FAM227B: variants seen among roughly 807,000 people sequenced by gnomAD.
FAM227B encodes the protein family with sequence similarity 227 member B.
FAM227B carries 88 observed loss-of-function variants against 73.8 expected under a neutral mutation model. The observed-to-expected ratio is 1.19, with a 90% CI of 1.00 to 1.42. The LOEUF is 1.42. Among genes scored for constraint, FAM227B ranks in the 40% most tolerant of loss-of-function variants. The probability of loss-of-function intolerance (pLI) is 0.00; values close to 1 mark genes in which losing one functional copy is unlikely to be tolerated. For synonymous variants in FAM227B, 210 were observed against 190.5 expected (o/e 1.10, Z -0.84); for missense variants, 632 against 590.9 (o/e 1.07, Z -0.72).
chr15:49,570,952 A>G (rs1221940558), intron 8 of FAM227B, among the ~76,000 whole-genome samples: 1 of 148,764 alleles, frequency 6.7e-6, no homozygotes, highest in Non-Finnish European at 1.5e-5. Flanking sequence ...ATAATTATAT[A>G]CCAAATCTTC....
rs559578587 is a variant in FAM227B, at chr15:49,391,400, A to G, written c.1013-20001T>C. 3.3e-5 allele frequency among the ~76,000 whole-genome samples: 5 copies of G among 152,222 alleles called. No homozygotes were observed. The East Asian group carries it at 7.7e-4, about 24-fold the overall frequency. ...CCTCGAGAAGTAAATCAGCAACTCAATAAGCAAGAAGGACAAGATGTTTGG... is the reference window on the plus strand; with the variant it reads ...CCTCGAGAAGTAAATCAGCAACTCAGTAAGCAAGAAGGACAAGATGTTTGG... On this transcript the variant is annotated intron_variant, in intron 11 of 15. Coordinates refer to ENST00000299338, the MANE Select transcript of FAM227B (RefSeq NM_152647.3).
At chr15:49,335,616 C>CAA (rs2151178945) in intron 13 of FAM227B, 120 bp from the exon 14 acceptor site, 1 of 609,134 alleles carries the variant, frequency 1.6e-6, no homozygotes, top group East Asian at 2.7e-5. Flanking sequence ...TGAAGAGTCT[C>CAA]AAGTATAAAC....
intron 9 of FAM227B, among the ~76,000 whole-genome samples, chr15:49,553,675 TG>T (rs1465940319): frequency 6.6e-6 from 1 of 152,188 alleles, no homozygotes; most frequent in Non-Finnish European, 1.5e-5. Context: ...CTGTAGCCAC[TG>T]TCACACCATG....
chr15:49,534,863 C>G (rs144203643), intron 10 of FAM227B, among the ~76,000 whole-genome samples: 2 of 151,088 alleles, frequency 1.3e-5, no homozygotes, highest in African/African-American at 4.8e-5. Context: ...AAGAAGAAAT[C>G]AAAAGGGAAG....
chr15:49,591,045 AT>A (rs748799826), intron 3 of FAM227B, among the ~76,000 whole-genome samples: 108 of 72,544 alleles, frequency 1.5e-3, no homozygotes, highest in Middle Eastern at 0.01. Flanking sequence ...TTTTTTTTTG[AT>A]TTTTTTTTTT....
chr15:49,598,739 G>C (rs879526322), intron 3 of FAM227B, among the ~76,000 whole-genome samples: 1 of 151,834 alleles, frequency 6.6e-6, no homozygotes, highest in South Asian at 2.1e-4. Context: ...TGCTAATGTG[G>C]TTTATCACAT....
At chr15:49,328,880 C>T in intron 15 of FAM227B, 3 of 1,320,374 alleles carry the variant, frequency 2.3e-6, no homozygotes, top group Non-Finnish European at 2.9e-6. Flanking sequence ...ATTCTTTTGG[C>T]CCTGAGCTAT....
intron 11 of FAM227B, among the ~76,000 whole-genome samples, chr15:49,477,622 T>C (rs547322296): frequency 6.6e-6 from 1 of 152,336 alleles, no homozygotes; most frequent in Admixed American, 6.5e-5. Flanking sequence ...ATGATACGAA[T>C]AAAGCTTCTA....
intron 14 of FAM227B, among the ~76,000 whole-genome samples, chr15:49,334,608 C>T (rs2039377589): frequency 1.3e-5 from 2 of 151,916 alleles, no homozygotes; most frequent in Admixed American, 1.3e-4. Flanking sequence ...TGTGTGTGGA[C>T]GTACACATGC....
chr15:49,525,709 T>A (rs1196731887), intron 10 of FAM227B, among the ~76,000 whole-genome samples: 3 of 80,202 alleles, frequency 3.7e-5, no homozygotes, highest in Admixed American at 1.3e-4. Context: ...TATATATATA[T>A]ATATATATAT....
chr15:49,366,341 A>C, intron 13 of FAM227B: 1 of 787,108 alleles, frequency 1.3e-6, no homozygotes, highest in Non-Finnish European at 2.4e-6. Context: ...ACTGTTATTG[A>C]CAACCAACAT....
chr15:49,439,604 A>G (rs1567277809), intron 11 of FAM227B, among the ~76,000 whole-genome samples: 1 of 151,776 alleles, frequency 6.6e-6, no homozygotes, highest in Non-Finnish European at 1.5e-5. Flanking sequence ...AGAGAAACAG[A>G]GCAATAAGTT....
intron 11 of FAM227B, chr15:49,487,904 T>C (rs1443341627): frequency 6.6e-6 from 1 of 151,954 alleles, no homozygotes; most frequent in African/African-American, 2.4e-5. Context: ...ACATCCCTAC[T>C]CCACTGCCAT....
chr15:49,500,434 T>G (rs1050496545), intron 11 of FAM227B, among the ~76,000 whole-genome samples: 1 of 152,208 alleles, frequency 6.6e-6, no homozygotes, highest in Non-Finnish European at 1.5e-5. Flanking sequence ...GCCCTAGATG[T>G]GGGACATAAA....
chr15:49,396,800 G>C (rs933462599), intron 11 of FAM227B, among the ~76,000 whole-genome samples: 3 of 150,674 alleles, frequency 2.0e-5, no homozygotes, highest in Admixed American at 1.3e-4. Context: ...TCTGTTAGAA[G>C]GAAAACTAAC....
chr15:49,540,388 T>C (rs1458323085), intron 10 of FAM227B, among the ~76,000 whole-genome samples: 3 of 152,162 alleles, frequency 2.0e-5, no homozygotes, highest in Non-Finnish European at 4.4e-5. Flanking sequence ...TCCCCAGAAA[T>C]CCTTTCTGTG....
At chr15:49,574,846 G>T in intron 8 of FAM227B, 165 bp downstream of exon 8, 1 of 402,740 alleles carries the variant, frequency 2.5e-6, no homozygotes. Context: ...TAACTCCTCT[G>T]AAAGAACTCT....
At chr15:49,413,755 C>T (rs1348557969) in intron 11 of FAM227B, among the ~76,000 whole-genome samples, 3 of 151,740 alleles carry the variant, frequency 2.0e-5, no homozygotes, top group African/African-American at 4.8e-5. Flanking sequence ...TCGTGTTGCC[C>T]AACTTTCCCT....
chr15:49,334,561 G>A (rs938420736), intron 14 of FAM227B, among the ~76,000 whole-genome samples: 10 of 151,958 alleles, frequency 6.6e-5, no homozygotes, highest in Non-Finnish European at 1.3e-4. Flanking sequence ...GTGTCCATCC[G>A]TTTTTCCCAC....
Sources: allele counts gnomAD v4.1 joint callset (sites outside exome capture counted in the v4.1 genomes callset), GRCh38; gene constraint gnomAD v4.1.1; transcripts MANE v1.5; gene names NCBI Gene and HGNC (gene_info 2026-07-23, HGNC 2026-07-21).